The following SBNO1 variants were observed in gnomAD, a reference collection of about 807,000 sequenced individuals.
SBNO1 encodes strawberry notch homolog 1, also known as protein strawberry notch homolog 1.
A neutral mutation model predicts 173.6 loss-of-function variants in SBNO1; 23 were observed. The observed-to-expected ratio is 0.13, with a 90% CI of 0.10 to 0.19. The LOEUF is 0.19. Among genes scored for constraint, SBNO1 ranks in the 10% least tolerant of loss-of-function variants. The probability of loss-of-function intolerance (pLI) is 1.00; values close to 1 mark genes in which losing one functional copy is unlikely to be tolerated. For synonymous variants in SBNO1, 632 were observed against 571.5 expected (o/e 1.11, Z -1.51); for missense variants, 1,238 against 1,671.2 (o/e 0.74, Z 4.52).
At chr12:123,364,502 G>A in intron 1 of SBNO1, 199 bp downstream of exon 1, 1 of 983,952 alleles carries the variant, frequency 1.0e-6, no homozygotes, top group African/African-American at 1.7e-5. Context: ...CGAGTACAAC[G>A]GAGCCGCCGT....
chr12:123,325,465 A>G lies in SBNO1; in HGVS notation c.1973+37T>C, dbSNP rs200201089. ...TGGAACTAAGGTAAGGAAGAACTCA[A>G]AAAGAAACAAAAACATTAAAAGAAC... is the stretch of plus-strand genomic sequence containing the variant. On this transcript the variant is annotated intron_variant, in intron 15 of 31. Coordinates refer to ENST00000602398, the MANE Select transcript of SBNO1 (RefSeq NM_001167856.3). 4.5e-5 allele frequency: 67 copies of G among 1,481,646 alleles called. No homozygotes were observed. The East Asian group carries it at 1.5e-3, about 33-fold the overall frequency. The allele number at this position is 1,481,646 out of a possible 1,614,324, so 91.8% of individuals were successfully genotyped here.
intron 25 of SBNO1, 114 bp downstream of exon 25, chr12:123,310,941 C>G: frequency 2.5e-6 from 2 of 790,434 alleles, no homozygotes; most frequent in Non-Finnish European, 4.2e-6. Context: ...CAGCCAAAAC[C>G]ACCCAGAATG....
In SBNO1 at chr12:123,364,585, C is replaced by T. The variant is rs1324833053; in HGVS notation, c.-1+116G>A. 4.1e-6 allele frequency: 4 copies of T among 983,304 alleles called. No individual in the cohort carries two copies. In the African/African-American group the frequency reaches 5.3e-5, roughly 13 times the overall value. 60.9% of individuals were successfully genotyped at this position (983,304 alleles called of 1,614,324 possible). On this transcript the variant is annotated intron_variant, in intron 1 of 31. Coordinates refer to ENST00000602398, the MANE Select transcript of SBNO1 (RefSeq NM_001167856.3). Reference sequence around the variant, plus strand: ...GCAAGCGGCGAGGGAGGCCCCAAGCCGGGGCGAGGTGGCTGTCCCCCCAGC... The same window carrying T: ...GCAAGCGGCGAGGGAGGCCCCAAGCTGGGGCGAGGTGGCTGTCCCCCCAGC...
chr12:123,345,080 C>G (rs1872967678), intron 4 of SBNO1, among the ~76,000 whole-genome samples, 178 bp downstream of exon 4: 1 of 152,104 alleles, frequency 6.6e-6, no homozygotes, highest in Non-Finnish European at 1.5e-5. Flanking sequence ...AACAACCTAC[C>G]CAAGGCATCT....
chr12:123,329,364 G>A (rs1321487773), intron 9 of SBNO1, among the ~76,000 whole-genome samples: 1 of 149,694 alleles, frequency 6.7e-6, no homozygotes, highest in African/African-American at 2.5e-5. Context: ...CTGGGCAACA[G>A]AGCTGAGATC....
intron 5 of SBNO1, 99 bp from the exon 6 acceptor site, chr12:123,336,590 A>G: frequency 1.4e-6 from 1 of 720,040 alleles, no homozygotes; most frequent in South Asian, 1.7e-5. Context: ...ACAAATTTCC[A>G]TCATGGAAAC....
At chr12:123,358,072 A>G (rs1593422979) in intron 1 of SBNO1, among the ~76,000 whole-genome samples, 1 of 152,160 alleles carries the variant, frequency 6.6e-6, no homozygotes, top group South Asian at 2.1e-4. Flanking sequence ...GGTTTTTTGG[A>G]TTTTGGAATA....
In SBNO1 at chr12:123,340,552, G is replaced by A. The variant is rs931711309; in HGVS notation, c.651+436C>T. On this transcript the variant is annotated intron_variant, in intron 5 of 31. Coordinates refer to ENST00000602398, the MANE Select transcript of SBNO1 (RefSeq NM_001167856.3). ...GCCAAGATAGCACCACTGCACTCCA[G>A]CCTGGGCGATAAGAGTAAGACTCTG... Among the ~76,000 whole-genome samples, 4 of 127,812 alleles carry A rather than the reference G, an allele frequency of 3.1e-5. No individual in the cohort carries two copies. The South Asian group carries it at 9.8e-4, about 31-fold the overall frequency. The allele number at this position is 127,812 out of a possible 152,430, so 83.8% of individuals were successfully genotyped here.
chr12:123,345,382 G>A lies in SBNO1; in HGVS notation c.426C>T (p.Ala142=), dbSNP rs1475721770. The part of the protein sequence containing the change: ...PSVSAPTVRN[A]MTSAPSKDQV... ...GGTCTTTTGAAGGTGCAGAGGTCAT[G>A]GCATTTCGTACTGTTGGTGCTGAGA... The change falls in exon 4 of 32, where the codon GCC becomes GCT. Residue 142 remains alanine (A), a synonymous_variant. Transcript: ENST00000602398. 5.6e-6 allele frequency: 9 copies of A among 1,614,030 alleles called. No individual in the cohort carries two copies. In the East Asian group the frequency reaches 6.7e-5, roughly 12 times the overall value.
intron 19 of SBNO1, 135 bp downstream of exon 19, chr12:123,320,297 G>C (rs187533247): frequency 1.1e-6 from 1 of 900,518 alleles, no homozygotes; most frequent in East Asian, 2.5e-5. Context: ...ATTGGATGTA[G>C]GATGGCAACT....
At chr12:123,297,212 A>G (rs1291757702) in intron 31 of SBNO1, among the ~76,000 whole-genome samples, 1 of 149,740 alleles carries the variant, frequency 6.7e-6, no homozygotes, top group Non-Finnish European at 1.5e-5. Context: ...AAATATAAAA[A>G]TTAGCCAGGT....
intron 4 of SBNO1, among the ~76,000 whole-genome samples, chr12:123,342,621 C>A (rs1277871008): frequency 1.3e-5 from 2 of 152,182 alleles, no homozygotes; most frequent in East Asian, 3.9e-4. Context: ...AAGATCTAAA[C>A]AATGAACACT....
In SBNO1 at chr12:123,321,022, C is replaced by T. The variant is rs893174484; in HGVS notation, c.2324-156G>A. ...TGGCGCAATCTCAGCTTACTGCAATCTCCACCTCCTGGGTTCAAGCGATTC... is the reference window on the plus strand; with the variant it reads ...TGGCGCAATCTCAGCTTACTGCAATTTCCACCTCCTGGGTTCAAGCGATTC... On this transcript the variant is annotated intron_variant, in intron 17 of 31. Transcript: ENST00000602398. Among the ~76,000 whole-genome samples, 5 of 152,206 alleles carry T rather than the reference C, an allele frequency of 3.3e-5. No individual in the cohort carries two copies. In the South Asian group the frequency reaches 1.0e-3, roughly 32 times the overall value.
chr12:123,335,092 G>C (rs1871680673), intron 6 of SBNO1, among the ~76,000 whole-genome samples: 1 of 152,194 alleles, frequency 6.6e-6, no homozygotes, highest in Admixed American at 6.5e-5. Context: ...TCAGGAGTCT[G>C]AGACAGGAGG....
intron 5 of SBNO1, among the ~76,000 whole-genome samples, chr12:123,340,223 G>T (rs769910706): frequency 3.9e-5 from 6 of 152,148 alleles, no homozygotes; most frequent in Middle Eastern, 3.4e-3. Context: ...TATACATGGA[G>T]AATTTATTAA....
At chr12:123,301,025 T>G (rs1284522955) in intron 30 of SBNO1, among the ~76,000 whole-genome samples, 2 of 152,000 alleles carry the variant, frequency 1.3e-5, no homozygotes, top group African/African-American at 4.8e-5. Flanking sequence ...AAACTTTTTT[T>G]TTTAGACCAC....
chr12:123,360,536 C>T (rs1875020151), intron 1 of SBNO1, among the ~76,000 whole-genome samples: 1 of 151,870 alleles, frequency 6.6e-6, no homozygotes, highest in South Asian at 2.1e-4. Flanking sequence ...CCTCTGCCTC[C>T]CAGGTTCAAG....
At position 123,348,021 on chromosome 12, in the gene SBNO1, A is replaced by G. The variant is rs1873420160; in HGVS notation, c.237+8T>C. On this transcript the variant is annotated splice_region_variant and intron_variant, in intron 3 of 31. Coordinates refer to ENST00000602398, the MANE Select transcript of SBNO1 (RefSeq NM_001167856.3). ...TTAGAAGTAACGACGAATCTAAATC[A>G]TTCTTACCCTCACATTTAATAGTGC... 1 of 1,530,952 alleles carries G rather than the reference A, an allele frequency of 6.5e-7. No individual in the cohort carries two copies. 94.8% of individuals were successfully genotyped at this position (1,530,952 alleles called of 1,614,324 possible).
At chr12:123,333,531 C>T (rs1024628312) in intron 7 of SBNO1, among the ~76,000 whole-genome samples, 2 of 151,704 alleles carry the variant, frequency 1.3e-5, no homozygotes, top group African/African-American at 4.8e-5. Flanking sequence ...GACAGGGTCT[C>T]GTTCCCATCA....
Sources: allele counts gnomAD v4.1 joint callset (sites outside exome capture counted in the v4.1 genomes callset), GRCh38; gene constraint gnomAD v4.1.1; transcripts MANE v1.5; gene names NCBI Gene and HGNC (gene_info 2026-07-23, HGNC 2026-07-21).